SUGCT: variants seen among roughly 807,000 people sequenced by gnomAD.
SUGCT encodes the protein succinyl-CoA:glutarate-CoA transferase.
Under a neutral mutation model 55.0 loss-of-function variants are expected in SUGCT, and 41 were observed. That is an observed-to-expected ratio of 0.74 (90% confidence interval 0.58 to 0.97). The LOEUF (loss-of-function observed/expected upper bound fraction) is 0.97. SUGCT is among the 50% of genes least tolerant of loss of function. SUGCT has a pLI of 0.00. For missense variants in SUGCT, 568 were observed against 547.8 expected (o/e 1.04, Z -0.37); for synonymous variants, 187 against 200.4 (o/e 0.93, Z 0.56).
intron 1 of SUGCT, among the ~76,000 whole-genome samples, chr7:40,140,317 G>A (rs550394608): frequency 3.3e-5 from 5 of 152,290 alleles, no homozygotes; most frequent in African/African-American, 1.2e-4. Flanking sequence ...CCCAGTAAAT[G>A]TTGTCGACTT....
chr7:40,837,920 G>A (rs1218958665), intron 13 of SUGCT, among the ~76,000 whole-genome samples: 1 of 152,098 alleles, frequency 6.6e-6, no homozygotes, highest in African/African-American at 2.4e-5. Context: ...GGCCTATTTT[G>A]AGTTAATTTT....
chr7:40,210,028 C>T (rs1464288784), intron 6 of SUGCT, among the ~76,000 whole-genome samples: 1 of 151,976 alleles, frequency 6.6e-6, no homozygotes, highest in Non-Finnish European at 1.5e-5. Flanking sequence ...GTTCTCTTAT[C>T]ATCCTCATAC....
intron 9 of SUGCT, among the ~76,000 whole-genome samples, chr7:40,404,563 A>G (rs553272074): frequency 4.5e-4 from 68 of 151,912 alleles, no homozygotes; most frequent in African/African-American, 1.6e-3. Context: ...CAGCCTCCCT[A>G]GCAGCTGGGA....
rs149710583 is a variant in SUGCT at position 40,637,175 on chromosome 7, A to G, written c.1090-112259A>G. On this transcript the variant is annotated intron_variant, in intron 12 of 13. Transcript: ENST00000335693. Reference sequence around the variant, plus strand: ...CCAGGGAAAACTCACTAAAATATGTAAAAGGGAAATCATAATGGAGATTTT... The same window carrying G: ...CCAGGGAAAACTCACTAAAATATGTGAAAGGGAAATCATAATGGAGATTTT... Among the ~76,000 whole-genome samples the G allele has an allele frequency of 2.5e-3, 386 of 152,346 alleles. 1 individual carries two copies. The highest frequency in any genetic ancestry group is 8.7e-3 in the African/African-American group (361 of 41,578).
chr7:41,006,272 G>T, the SUGCT span, among the ~76,000 whole-genome samples: 3 of 152,234 alleles, frequency 2.0e-5, no homozygotes, highest in Admixed American at 2.0e-4. Flanking sequence ...ACTAATTAAA[G>T]AATTTGAACC....
intron 9 of SUGCT, among the ~76,000 whole-genome samples, chr7:40,433,324 GTTTTCTTT>G (rs1788003501): frequency 6.9e-6 from 1 of 145,486 alleles, no homozygotes; most frequent in Non-Finnish European, 1.5e-5. Flanking sequence ...ATTGGGTCAT[GTTTTCTTT>G]TTTTCTTTTT....
At chr7:41,019,262 A>C in the SUGCT span, among the ~76,000 whole-genome samples, 3 of 152,312 alleles carry the variant, frequency 2.0e-5, no homozygotes, top group African/African-American at 7.2e-5. Flanking sequence ...GGTGTATATT[A>C]ATAATTAAAA....
chr7:40,319,213 G>A (rs1414048445), intron 9 of SUGCT, among the ~76,000 whole-genome samples: 2 of 152,102 alleles, frequency 1.3e-5, no homozygotes, highest in South Asian at 2.1e-4. Flanking sequence ...AAATCTACCA[G>A]GTTATTTCCT....
intron 13 of SUGCT, among the ~76,000 whole-genome samples, chr7:40,794,402 T>C (rs1382969976): frequency 6.6e-6 from 1 of 152,176 alleles, no homozygotes; most frequent in Non-Finnish European, 1.5e-5. Context: ...TTTATCACCC[T>C]CCATGCTGTG....
intron 12 of SUGCT, among the ~76,000 whole-genome samples, chr7:40,713,237 C>G (rs1406837232): frequency 6.6e-6 from 1 of 152,176 alleles, no homozygotes; most frequent in Non-Finnish European, 1.5e-5. Flanking sequence ...GTGGAGACTG[C>G]TGCAGGCTGA....
At chr7:40,259,919 G>T (rs1250160368) in intron 7 of SUGCT, among the ~76,000 whole-genome samples, 1 of 152,202 alleles carries the variant, frequency 6.6e-6, no homozygotes, top group Non-Finnish European at 1.5e-5. Flanking sequence ...CAATAGGATA[G>T]TGGATCTCTT....
At chr7:40,851,173 G>A (rs1296965599) in intron 13 of SUGCT, among the ~76,000 whole-genome samples, 1 of 152,108 alleles carries the variant, frequency 6.6e-6, no homozygotes, top group African/African-American at 2.4e-5. Flanking sequence ...AGTCTTAACC[G>A]CCTTGTTGTA....
At chr7:40,776,660 G>A (rs1354550963) in intron 13 of SUGCT, among the ~76,000 whole-genome samples, 2 of 152,172 alleles carry the variant, frequency 1.3e-5, no homozygotes, top group Non-Finnish European at 2.9e-5. Context: ...ATTTGAAGCT[G>A]AATCTCTTTG....
intron 12 of SUGCT, among the ~76,000 whole-genome samples, chr7:40,699,183 G>T (rs1421139294): frequency 6.6e-5 from 10 of 152,142 alleles, no homozygotes; most frequent in Non-Finnish European, 2.9e-5. Flanking sequence ...TCAAGATATG[G>T]CAACATGTCC....
At chr7:40,160,636 T>C (rs1784098433) in intron 1 of SUGCT, among the ~76,000 whole-genome samples, 1 of 152,194 alleles carries the variant, frequency 6.6e-6, no homozygotes. Flanking sequence ...TTAATATTCT[T>C]AGTGTATGTA....
intron 8 of SUGCT, among the ~76,000 whole-genome samples, chr7:40,300,767 A>C (rs958745265): frequency 6.6e-6 from 1 of 152,192 alleles, no homozygotes; most frequent in African/African-American, 2.4e-5. Flanking sequence ...TCTGTTGATG[A>C]GGAGTTCTGA....
At chr7:40,790,157 C>T (rs934403221) in intron 13 of SUGCT, among the ~76,000 whole-genome samples, 2 of 152,184 alleles carry the variant, frequency 1.3e-5, no homozygotes, top group African/African-American at 4.8e-5. Context: ...CCCCATGTGT[C>T]ATGGGAGGGA....
chr7:41,016,955 T>C, the SUGCT span, among the ~76,000 whole-genome samples: 1 of 152,258 alleles, frequency 6.6e-6, no homozygotes, highest in South Asian at 2.1e-4. Context: ...AGTTTTTGGA[T>C]TCACAGCTGA....
chr7:40,496,442 A>G (rs1448233727), intron 12 of SUGCT, 56 bp downstream of exon 12: 2 of 1,204,680 alleles, frequency 1.7e-6, no homozygotes, highest in Non-Finnish European at 2.4e-6. Context: ...GACTTATATC[A>G]AGGTACCTTT....
Sources: allele counts gnomAD v4.1 joint callset (sites outside exome capture counted in the v4.1 genomes callset), GRCh38; gene constraint gnomAD v4.1.1; transcripts MANE v1.5; gene names NCBI Gene and HGNC (gene_info 2026-07-23, HGNC 2026-07-21).